Variants in SUSD5 observed in about 807,000 individuals in gnomAD.
The protein encoded by SUSD5 is sushi domain-containing protein 5.
SUSD5 carries 33 observed loss-of-function variants against 29.5 expected under a neutral mutation model. The ratio of observed to expected loss-of-function variants is 1.12; its 90% CI spans 0.85 to 1.49. SUSD5 has a LOEUF of 1.49. SUSD5 is among the 40% of genes most tolerant of loss of function. The pLI, the probability that SUSD5 is intolerant of heterozygous loss-of-function variation, is 0.00. For synonymous variants in SUSD5, 308 were observed against 325.3 expected, an observed-to-expected ratio of 0.95 and a Z score of 0.57; for missense variants, 776 against 800.6, an observed-to-expected ratio of 0.97 and a Z score of 0.37.
intron 1 of SUSD5, among the ~76,000 whole-genome samples, chr3:33,216,003 A>G (rs2032422872): frequency 6.6e-6 from 1 of 152,206 alleles, no homozygotes; most frequent in Non-Finnish European, 1.5e-5. Flanking sequence ...TAGAGCAGAA[A>G]TCAGTAAAAC....
At position 33,151,906 on chromosome 3, in the gene SUSD5, CA is replaced by C. The variant is rs1413772867; in HGVS notation, c.*835del. ...AGTCTTAAATTCTAATTTCAAGAAA[CA>C]ATGAAAAAAGAAACCTCAAAGCTTC... On this transcript the variant is annotated 3_prime_UTR_variant, in exon 5 of 5. Coordinates refer to ENST00000309558, the MANE Select transcript of SUSD5 (RefSeq NM_015551.2). 6.6e-6 allele frequency: 1 copy of C among 152,156 alleles called. No individual in the cohort carries two copies. Among genetic ancestry groups the C allele is most frequent in the African/African-American group, 2.4e-5 (1 of 41,448 alleles). 9.4% of individuals were successfully genotyped at this position (152,156 alleles called of 1,614,324 possible). A position where few individuals can be genotyped will look rare whatever the true frequency, so the allele number is the denominator to read the frequency against.
chr3:33,153,827 T>TGC lies in SUSD5; in HGVS notation c.804_805insGC (p.Thr269AlafsTer60). On this transcript the variant is annotated frameshift_variant, in exon 5 of 5. Coordinates refer to ENST00000309558, the MANE Select transcript of SUSD5 (RefSeq NM_015551.2). LOFTEE classifies it low-confidence loss of function (END_TRUNC). ...CTCCCAGCACCAGGCAAGCCTGTGGTTGGCACAAAGACTTTATCCCGGGCT... is the reference window on the plus strand; with the variant it reads ...CTCCCAGCACCAGGCAAGCCTGTGGTGCTGGCACAAAGACTTTATCCCGGGCT... The TGC allele has an allele frequency of 6.2e-7, 1 of 1,614,008 alleles. No individual in the cohort carries two copies. Among genetic ancestry groups the TGC allele is most frequent in the Non-Finnish European group, 8.5e-7 (1 of 1,179,858 alleles).
intron 4 of SUSD5, among the ~76,000 whole-genome samples, chr3:33,161,436 G>T (rs72859140): frequency 6.6e-6 from 1 of 150,794 alleles, no homozygotes; most frequent in Admixed American, 6.6e-5. Context: ...TAATTGCTTC[G>T]AAAGAAGGCA....
At chr3:33,194,097 T>A (rs1452884250) in intron 3 of SUSD5, among the ~76,000 whole-genome samples, 2 of 152,144 alleles carry the variant, frequency 1.3e-5, no homozygotes, top group African/African-American at 2.4e-5. Context: ...GCTGGTGCCA[T>A]CCGGACCACT....
intron 4 of SUSD5, among the ~76,000 whole-genome samples, chr3:33,162,632 T>C (rs562906101): frequency 3.9e-4 from 60 of 152,256 alleles, no homozygotes; most frequent in Middle Eastern, 6.8e-3. Context: ...GAAAATACAA[T>C]AGCAGGACTT....
chr3:33,162,559 A>G (rs1468710738), intron 4 of SUSD5, among the ~76,000 whole-genome samples: 1 of 152,248 alleles, frequency 6.6e-6, no homozygotes, highest in African/African-American at 2.4e-5. Flanking sequence ...AAGAATTTAG[A>G]GAAGATGCAA....
chr3:33,207,355 T>C (rs2032241079), intron 3 of SUSD5, among the ~76,000 whole-genome samples: 1 of 152,220 alleles, frequency 6.6e-6, no homozygotes. Context: ...GTAGGCACCT[T>C]TGCCTCTTTG....
At chr3:33,154,810 T>A (rs557801481) in intron 4 of SUSD5, among the ~76,000 whole-genome samples, 2 of 152,162 alleles carry the variant, frequency 1.3e-5, no homozygotes, top group Non-Finnish European at 2.9e-5. Flanking sequence ...ACCATGATCA[T>A]GTAGTAGAAG....
chr3:33,172,066 G>C (rs1304500838), intron 4 of SUSD5, among the ~76,000 whole-genome samples: 1 of 152,140 alleles, frequency 6.6e-6, no homozygotes, highest in African/African-American at 2.4e-5. Context: ...GTACAACGAA[G>C]AGTGATTATC....
Position 33,151,828 on chromosome 3 carries a change from G to C in SUSD5, c.*914C>G, listed in dbSNP as rs956898395. The C allele has an allele frequency of 1.3e-5, 2 of 152,150 alleles. No homozygotes were observed. The highest frequency in any genetic ancestry group is 1.3e-4 in the Admixed American group (2 of 15,280). The allele number at this position is 152,150 out of a possible 1,614,324, so 9.4% of individuals were successfully genotyped here. A position where few individuals can be genotyped will look rare whatever the true frequency, so the allele number is the denominator to read the frequency against. ...GACAGACTGTCCCACAGAATGGAGG[G>C]AACAGAGGGGGATGTGTGTTTCTTC... On this transcript the variant is annotated 3_prime_UTR_variant, in exon 5 of 5. Coordinates refer to ENST00000309558, the MANE Select transcript of SUSD5 (RefSeq NM_015551.2).
Position 33,152,681 on chromosome 3 carries a change from T to C in SUSD5, c.*61A>G. On this transcript the variant is annotated 3_prime_UTR_variant, in exon 5 of 5. Transcript: ENST00000309558. ...TGCGTCATGCTCTAGTGAATTATCG[T>C]GTGATGTGTCACAGTTATTTTCCTC... is the stretch of plus-strand genomic sequence containing the variant. The C allele has an allele frequency of 1.3e-6, 2 of 1,495,826 alleles. No homozygotes were observed. The highest frequency in any genetic ancestry group is 1.8e-6 in the Non-Finnish European group (2 of 1,109,202). 92.7% of individuals were successfully genotyped at this position (1,495,826 alleles called of 1,614,324 possible).
rs1448163837 is a variant in SUSD5, at chr3:33,151,197, A to C, written c.*1545T>G. ...AAATCACCTGGAGGGCTTGTTAAAA[A>C]CAGAACTGGGCCCTACTCCCAGGGT... On this transcript the variant is annotated 3_prime_UTR_variant, in exon 5 of 5. Coordinates refer to ENST00000309558, the MANE Select transcript of SUSD5 (RefSeq NM_015551.2). 2.6e-5 allele frequency: 4 copies of C among 152,198 alleles called. No individual in the cohort carries two copies. Among genetic ancestry groups the C allele is most frequent in the African/African-American group, 4.8e-5 (2 of 41,462 alleles). 9.4% of individuals were successfully genotyped at this position (152,198 alleles called of 1,614,324 possible).
rs575346049 is a variant in SUSD5 at position 33,193,592 on chromosome 3, G to T, written c.409+14216C>A. 2.6e-5 allele frequency among the ~76,000 whole-genome samples: 4 copies of T among 152,214 alleles called. No homozygotes were observed. The East Asian group carries it at 7.7e-4, about 29-fold the overall frequency. ...TTAGGGGTCTGGAGAGATTAGGCTT[G>T]AGAAATGATTTGAGATTACCAGGCA... is the stretch of plus-strand genomic sequence containing the variant. On this transcript the variant is annotated intron_variant, in intron 3 of 4. Transcript: ENST00000309558.
At chr3:33,183,849 G>C (rs1293320716) in intron 3 of SUSD5, among the ~76,000 whole-genome samples, 3 of 148,654 alleles carry the variant, frequency 2.0e-5, no homozygotes, top group Non-Finnish European at 4.5e-5. Flanking sequence ...TTTCACTTTT[G>C]AAGGACAATT....
In SUSD5 at chr3:33,151,812, TC is replaced by T. The variant is rs1205692249; in HGVS notation, c.*929del. On this transcript the variant is annotated 3_prime_UTR_variant, in exon 5 of 5. Transcript: ENST00000309558. The stretch of plus-strand genomic sequence containing the variant: ...ATAAAATAAAATAAATGACAGACTG[TC>T]CCACAGAATGGAGGGAACAGAGGGG... The T allele has an allele frequency of 6.6e-6, 1 of 152,124 alleles. No homozygotes were observed. Among genetic ancestry groups the T allele is most frequent in the African/African-American group, 2.4e-5 (1 of 41,410 alleles). The allele number at this position is 152,124 out of a possible 1,614,324, so 9.4% of individuals were successfully genotyped here.
At chr3:33,206,464 GA>G (rs1559456867) in intron 3 of SUSD5, among the ~76,000 whole-genome samples, 2 of 149,266 alleles carry the variant, frequency 1.3e-5, no homozygotes, top group South Asian at 2.1e-4. Context: ...TGTGTTTTAA[GA>G]AAAAAAATAA....
intron 4 of SUSD5, among the ~76,000 whole-genome samples, chr3:33,162,500 C>T (rs2031211842): frequency 6.6e-6 from 1 of 152,210 alleles, no homozygotes; most frequent in South Asian, 2.1e-4. Context: ...AAAGTAAATT[C>T]TTTGAACTGA....
intron 1 of SUSD5, among the ~76,000 whole-genome samples, chr3:33,214,700 T>C (rs1388775492): frequency 6.6e-6 from 1 of 152,082 alleles, no homozygotes; most frequent in Non-Finnish European, 1.5e-5. Context: ...GGACATGTAG[T>C]GGGCCTCAAA....
rs755843342 is a variant in SUSD5 at position 33,213,932 on chromosome 3, G to C, written c.286C>G (p.Leu96Val). Reference sequence around the variant, plus strand: ...AGGAGTGCTCGCCTAACTTACCCAAGAGTACCATCTGCTAGCCAGCCAGTG... The same window carrying C: ...AGGAGTGCTCGCCTAACTTACCCAACAGTACCATCTGCTAGCCAGCCAGTG... ...CTTGWLADGT[L>V]GTTVCSKGSG... Residue 96 changes from leucine to valine, a missense_variant, in exon 2 of 5, where the codon CTT becomes GTT. Coordinates refer to ENST00000309558, the MANE Select transcript of SUSD5 (RefSeq NM_015551.2). The C allele has an allele frequency of 1.3e-6, 2 of 1,597,280 alleles. No homozygotes were observed. Among genetic ancestry groups the C allele is most frequent in the Non-Finnish European group, 1.7e-6 (2 of 1,170,944 alleles).
Sources: gnomAD v4.1 joint callset for allele counts (sites outside exome capture counted in the v4.1 genomes callset) on GRCh38, gnomAD v4.1.1 for gene constraint, MANE v1.5 for transcripts, NCBI Gene and HGNC (gene_info 2026-07-23, HGNC 2026-07-21) for gene names.